Variants in UNC13C observed in about 807,000 individuals in gnomAD.
UNC13C encodes the protein unc-13 homolog C.
UNC13C carries 174 observed loss-of-function variants against 245.4 expected under a neutral mutation model. The ratio of observed to expected loss-of-function variants is 0.71; its 90% confidence interval spans 0.63 to 0.80. The LOEUF is 0.80. UNC13C is among the 30% of genes least tolerant of loss of function. The pLI is 0.00. For missense variants in UNC13C, 2,829 were observed against 2,602.9 expected (o/e 1.09, Z -1.89); for synonymous variants, 992 against 895.1 (o/e 1.11, Z -1.93).
chr15:54,324,646 G>C (rs1277023433), intron 14 of UNC13C, among the ~76,000 whole-genome samples: 1 of 151,660 alleles, frequency 6.6e-6, no homozygotes, highest in Non-Finnish European at 1.5e-5. Flanking sequence ...ATGAGACCCT[G>C]TCTCTAAAAA....
At chr15:54,320,248 A>G (rs1477987382) in intron 13 of UNC13C, among the ~76,000 whole-genome samples, 3 of 152,028 alleles carry the variant, frequency 2.0e-5, no homozygotes, top group Non-Finnish European at 2.9e-5. Flanking sequence ...AACCAAAATA[A>G]GTAGAAGCAG....
intron 13 of UNC13C, among the ~76,000 whole-genome samples, chr15:54,311,543 G>A (rs1369376616): frequency 1.3e-5 from 2 of 151,544 alleles, no homozygotes; most frequent in Non-Finnish European, 3.0e-5. Context: ...TTTCTTATTA[G>A]CCTTTTTTGA....
chr15:54,420,746 G>A (rs2040624441), intron 19 of UNC13C, among the ~76,000 whole-genome samples: 1 of 151,844 alleles, frequency 6.6e-6, no homozygotes, highest in African/African-American at 2.4e-5. Flanking sequence ...GGAAAATGAG[G>A]TGAGCAAGAA....
chr15:54,365,220 T>C (rs1216565119), intron 17 of UNC13C, among the ~76,000 whole-genome samples: 1 of 152,128 alleles, frequency 6.6e-6, no homozygotes, highest in East Asian at 1.9e-4. Flanking sequence ...GATCATTTTC[T>C]CTGTATAACT....
Position 54,050,407 on chromosome 15 carries a change from A to G in UNC13C, c.2983+34521A>G, listed in dbSNP as rs965621521. ...TACTTGATAAGTATATTTTCTGGGA[A>G]TATTCTCTGGGAGTAGTCAGGAGCT... On this transcript the variant is annotated intron_variant, in intron 2 of 32. Coordinates refer to ENST00000260323, the MANE Select transcript of UNC13C (RefSeq NM_001080534.3). 5.4e-6 allele frequency: 3 copies of G among 555,972 alleles called. No individual in the cohort carries two copies. In the Admixed American group the frequency reaches 5.7e-5, roughly 11 times the overall value. The allele number at this position is 555,972 out of a possible 1,614,324, so 34.4% of individuals were successfully genotyped here. A position where few individuals can be genotyped will look rare whatever the true frequency, so the allele number is the denominator to read the frequency against.
intron 18 of UNC13C, among the ~76,000 whole-genome samples, chr15:54,404,824 G>A (rs2040260687): frequency 6.6e-6 from 1 of 152,116 alleles, no homozygotes; most frequent in African/African-American, 2.4e-5. Context: ...TGAATTGTTA[G>A]TGTATAGCTC....
chr15:53,984,704 A>C (rs1481741805), intron 1 of UNC13C, among the ~76,000 whole-genome samples: 1 of 152,152 alleles, frequency 6.6e-6, no homozygotes, highest in Non-Finnish European at 1.5e-5. Context: ...TGAAATGTAC[A>C]TGTTATTAGA....
chr15:54,154,036 G>T (rs2032638436), intron 4 of UNC13C, among the ~76,000 whole-genome samples: 1 of 151,818 alleles, frequency 6.6e-6, no homozygotes, highest in Non-Finnish European at 1.5e-5. Flanking sequence ...TTTTCTTTAT[G>T]CCTGGAATAT....
At chr15:54,275,940 T>C (rs577212337) in intron 10 of UNC13C, among the ~76,000 whole-genome samples, 1 of 152,212 alleles carries the variant, frequency 6.6e-6, no homozygotes, top group Admixed American at 6.5e-5. Context: ...TACTAGTTAA[T>C]AGTGAAAAGG....
chr15:54,190,031 A>G (rs544327769), intron 4 of UNC13C, among the ~76,000 whole-genome samples: 3 of 152,284 alleles, frequency 2.0e-5, no homozygotes, highest in South Asian at 2.1e-4. Context: ...TGATTCTACA[A>G]AATTGTCCAG....
At chr15:53,867,988 T>A in the UNC13C span, among the ~76,000 whole-genome samples, 1 of 152,000 alleles carries the variant, frequency 6.6e-6, no homozygotes, top group African/African-American at 2.4e-5. Context: ...CTGCCACCAT[T>A]CCTAGCTAAT....
chr15:54,231,784 G>T (rs1349737706), intron 4 of UNC13C, among the ~76,000 whole-genome samples: 1 of 151,968 alleles, frequency 6.6e-6, no homozygotes, highest in Admixed American at 6.6e-5. Context: ...CTTACCTTTA[G>T]AGTTACTTGT....
At chr15:54,359,963 T>A (rs2039192177) in intron 17 of UNC13C, among the ~76,000 whole-genome samples, 1 of 151,978 alleles carries the variant, frequency 6.6e-6, no homozygotes, top group South Asian at 2.1e-4. Flanking sequence ...TTGCTATAAC[T>A]TCCCTCTTAA....
At chr15:54,467,305 A>T (rs1324146029) in intron 19 of UNC13C, among the ~76,000 whole-genome samples, 1 of 151,826 alleles carries the variant, frequency 6.6e-6, no homozygotes, top group African/African-American at 2.4e-5. Context: ...ATGGCTATTT[A>T]AATCCAAATA....
chr15:54,594,888 C>T (rs76786954), intron 30 of UNC13C, among the ~76,000 whole-genome samples: 6,551 of 152,276 alleles, frequency 0.043, 247 homozygotes, highest in Admixed American at 0.12. Context: ...ATCCAAAAGG[C>T]GGGTCCAGGG....
chr15:54,200,112 A>T (rs1158992656), intron 4 of UNC13C, among the ~76,000 whole-genome samples: 1 of 152,128 alleles, frequency 6.6e-6, no homozygotes, highest in African/African-American at 2.4e-5. Flanking sequence ...TGATAAAAGG[A>T]CTAATCCAAC....
intron 10 of UNC13C, among the ~76,000 whole-genome samples, chr15:54,266,414 G>A (rs1567146434): frequency 6.6e-6 from 1 of 152,010 alleles, no homozygotes; most frequent in Non-Finnish European, 1.5e-5. Context: ...TGTTAAAATA[G>A]AAGACAAGAA....
At chr15:54,084,587 C>T (rs1204119182) in intron 2 of UNC13C, among the ~76,000 whole-genome samples, 1 of 152,096 alleles carries the variant, frequency 6.6e-6, no homozygotes, top group African/African-American at 2.4e-5. Context: ...GGTCATTTCA[C>T]TTCTTTGAGC....
chr15:53,879,786 C>T, the UNC13C span, among the ~76,000 whole-genome samples: 1 of 152,082 alleles, frequency 6.6e-6, no homozygotes, highest in African/African-American at 2.4e-5. Flanking sequence ...GGGGTTTCAC[C>T]ATTTTGGTCA....
Sources: allele counts gnomAD v4.1 joint callset (sites outside exome capture counted in the v4.1 genomes callset), GRCh38; gene constraint gnomAD v4.1.1; transcripts MANE v1.5; gene names NCBI Gene and HGNC (gene_info 2026-07-23, HGNC 2026-07-21).